LAMP1: variants seen among roughly 807,000 people sequenced by gnomAD.
The protein encoded by LAMP1 is lysosome associated membrane protein 1, also known as lysosome-associated membrane glycoprotein 1.
A neutral mutation model predicts 37.5 loss-of-function variants in LAMP1; 7 were observed. The observed-to-expected ratio is 0.19, with a 90% CI of 0.11 to 0.35. The LOEUF is 0.35. LAMP1 is among the 10% of genes least tolerant of loss of function. LAMP1 has a pLI of 1.00. For missense variants in LAMP1, 537 were observed against 552.8 expected (o/e 0.97, Z 0.29); for synonymous variants, 236 against 229.1 (o/e 1.03, Z -0.27).
chr13:113,310,750 A>C lies in LAMP1; in HGVS notation c.445A>C (p.Ile149Leu), dbSNP rs751491315. The C allele has an allele frequency of 6.2e-7, 1 of 1,613,368 alleles. No homozygotes were observed. The highest frequency in any genetic ancestry group is 2.2e-5 in the East Asian group (1 of 44,862). ...ATCTATAACTGACATCAGGGCAGAT[A>C]TAGATAAAAAATACAGATGTGTTAG... ...VESITDIRAD[I>L]DKKYRCVSGT... The change falls in exon 4 of 9, where the codon ATA becomes CTA. Residue 149 changes from isoleucine to leucine, a missense_variant. By Grantham distance (5) the Ile-to-Leu change is conservative. Transcript: ENST00000332556.
chr13:113,320,193 G>A lies in LAMP1; in HGVS notation c.751-152G>A, dbSNP rs971114372. On this transcript the variant is annotated intron_variant, in intron 5 of 8. Coordinates refer to ENST00000332556, the MANE Select transcript of LAMP1 (RefSeq NM_005561.4). The surrounding 1 kb of genome is among the most constrained non-coding windows in gnomAD (Gnocchi z 4.4). ...TCAGGGAGAGTCATCTTGGGATCCC[G>A]AAATCTGTACTAGTGTGGTCTTTCA... 164 of 909,286 alleles carry A rather than the reference G, an allele frequency of 1.8e-4. No individual in the cohort carries two copies. The highest frequency in any genetic ancestry group is 6.4e-5 in the Admixed American group (3 of 47,154). 56.3% of individuals were successfully genotyped at this position (909,286 alleles called of 1,614,324 possible). A position where few individuals can be genotyped will look rare whatever the true frequency, so the allele number is the denominator to read the frequency against.
chr13:113,297,481 T>A lies in LAMP1; in HGVS notation c.47T>A (p.Leu16Gln). ...CGGCGACCCCTGCTGCTGCTACTGC[T>A]GTTGCTGCTGCTCGGTGAGGGGGTC... ...SARRPLLLLL[L>Q]LLLLGLMHCA... The change falls in exon 1 of 9, where the codon CTG (leucine) becomes CAG (glutamine). Residue 16 changes from leucine to glutamine, a missense_variant. Leu to Gln is a moderately radical substitution (Grantham distance 113). Coordinates refer to ENST00000332556, the MANE Select transcript of LAMP1 (RefSeq NM_005561.4). The surrounding 1 kb of genome is among the most constrained non-coding windows in gnomAD (Gnocchi z 4.4). The A allele has an allele frequency of 8.0e-7, 1 of 1,251,572 alleles. No individual in the cohort carries two copies. The highest frequency in any genetic ancestry group is 1.0e-6 in the Non-Finnish European group (1 of 999,350). 77.5% of individuals were successfully genotyped at this position (1,251,572 alleles called of 1,614,324 possible). A position where few individuals can be genotyped will look rare whatever the true frequency, so the allele number is the denominator to read the frequency against.
chr13:113,318,822 A>G (rs2042680893), intron 4 of LAMP1, among the ~76,000 whole-genome samples: 1 of 152,028 alleles, frequency 6.6e-6, no homozygotes, highest in Non-Finnish European at 1.5e-5. Context: ...GACCCAACAC[A>G]GCTGGCTAGC....
In LAMP1 at chr13:113,321,822, A is replaced by T; in HGVS notation, c.1114+95A>T. 3.2e-6 allele frequency: 4 copies of T among 1,244,268 alleles called. No individual in the cohort carries two copies. The highest frequency in any genetic ancestry group is 4.6e-6 in the Non-Finnish European group (4 of 878,146). 77.1% of individuals were successfully genotyped at this position (1,244,268 alleles called of 1,614,324 possible). A position where few individuals can be genotyped will look rare whatever the true frequency, so the allele number is the denominator to read the frequency against. ...AGTCGCTTCCGTGTGGGCTGGGGCG[A>T]CGCCCCTGTTCCTCTGCAAGGAGCT... On this transcript the variant is annotated intron_variant, in intron 8 of 8. Transcript: ENST00000332556. This position sits in a 1 kb window ranked among gnomAD's most constrained non-coding sequence, Gnocchi z 5.6.
In LAMP1 at chr13:113,297,852, G is replaced by C. The variant is rs994520473; in HGVS notation, c.61+357G>C. The stretch of plus-strand genomic sequence containing the variant: ...GTTAAGTTTCCTGGCAAGTTGAGGC[G>C]GTGAGATCTAGACGAGGCTGCGCCG... On this transcript the variant is annotated intron_variant, in intron 1 of 8. Coordinates refer to ENST00000332556, the MANE Select transcript of LAMP1 (RefSeq NM_005561.4). This position sits in a 1 kb window ranked among gnomAD's most constrained non-coding sequence, Gnocchi z 4.4. Among the ~76,000 whole-genome samples the C allele has an allele frequency of 1.3e-5, 2 of 152,166 alleles. No homozygotes were observed. Among genetic ancestry groups the C allele is most frequent in the East Asian group, 3.9e-4 (2 of 5,172 alleles).
chr13:113,306,863 G>C (rs750993693), intron 2 of LAMP1, among the ~76,000 whole-genome samples: 9 of 8,268 alleles, frequency 1.1e-3, no homozygotes, highest in African/African-American at 1.2e-3. Flanking sequence ...TTTTTGAGAC[G>C]GAGTCTCGCT....
intron 8 of LAMP1, chr13:113,322,044 G>A: frequency 1.7e-6 from 1 of 582,578 alleles, no homozygotes; most frequent in South Asian, 2.2e-5. Flanking sequence ...ACGCAGCACA[G>A]CTGTCCGGCC....
intron 2 of LAMP1, 124 bp downstream of exon 2, chr13:113,306,730 C>T: frequency 9.3e-7 from 1 of 1,080,278 alleles, no homozygotes; most frequent in South Asian, 1.6e-5. Context: ...CTGCATATCT[C>T]CTTCTGGTGT....
intron 4 of LAMP1, among the ~76,000 whole-genome samples, chr13:113,315,317 C>G (rs1407212662): frequency 7.1e-6 from 1 of 140,316 alleles, no homozygotes; most frequent in African/African-American, 2.6e-5. Context: ...GCCTGGGGCG[C>G]GGCGTCCTGG....
At chr13:113,301,644 AATAT>A (rs1178393830) in intron 1 of LAMP1, among the ~76,000 whole-genome samples, 17 of 3,854 alleles carry the variant, frequency 4.4e-3, no homozygotes, top group African/African-American at 0.012. Context: ...AAAAAAAAAA[AATAT>A]ATATATATAT....
intron 4 of LAMP1, among the ~76,000 whole-genome samples, chr13:113,315,324 C>T (rs1398244764): frequency 6.6e-6 from 1 of 151,384 alleles, no homozygotes; most frequent in African/African-American, 2.4e-5. Context: ...GCGCGGCGTC[C>T]TGGAGGCTGG....
intron 4 of LAMP1, among the ~76,000 whole-genome samples, chr13:113,317,010 A>G (rs1377739268): frequency 6.6e-6 from 1 of 152,170 alleles, no homozygotes; most frequent in African/African-American, 2.4e-5. Context: ...AGGCTGTGGG[A>G]GCTATGAGTC....
intron 1 of LAMP1, among the ~76,000 whole-genome samples, chr13:113,300,040 C>A (rs2042562456): frequency 6.6e-6 from 1 of 152,148 alleles, no homozygotes; most frequent in Non-Finnish European, 1.5e-5. Context: ...TGTTTGAATA[C>A]TTAGAAAGCT....
At chr13:113,316,518 GT>G (rs1460301509) in intron 4 of LAMP1, among the ~76,000 whole-genome samples, 1 of 151,262 alleles carries the variant, frequency 6.6e-6, no homozygotes, top group African/African-American at 2.4e-5. Flanking sequence ...CGCCTCCTGG[GT>G]TCACGCCATT....
In LAMP1 at chr13:113,320,244, A is replaced by C. The variant is rs1455279950; in HGVS notation, c.751-101A>C. The C allele has an allele frequency of 1.4e-6, 2 of 1,443,660 alleles. No individual in the cohort carries two copies. The highest frequency in any genetic ancestry group is 2.8e-5 in the African/African-American group (2 of 71,386). 89.4% of individuals were successfully genotyped at this position (1,443,660 alleles called of 1,614,324 possible). On this transcript the variant is annotated intron_variant, in intron 5 of 8. Transcript: ENST00000332556. This position sits in a 1 kb window ranked among gnomAD's most constrained non-coding sequence, Gnocchi z 4.4. The stretch of plus-strand genomic sequence containing the variant: ...GTGTTTTCCTTCTGGTTTTGGTTAA[A>C]ACAAATGTGGCCTTGAATTCACGGT...
Position 113,313,567 on chromosome 13 carries a change from G to T in LAMP1, c.562+2700G>T, listed in dbSNP as rs568782666. Among the ~76,000 whole-genome samples, 427 of 150,718 alleles carry T rather than the reference G, an allele frequency of 2.8e-3. 1 individual carries two copies. Among genetic ancestry groups the T allele is most frequent in the Non-Finnish European group, 2.6e-3 (173 of 67,502 alleles). On this transcript the variant is annotated intron_variant, in intron 4 of 8. Transcript: ENST00000332556. ...TGGCCTCCTAGAGGGAGTCAGTGTG[G>T]AGATGCCGGTGTGCCTGGGGCGTGG...
At position 113,320,781 on chromosome 13, in the gene LAMP1, C is replaced by T. The variant is rs1288953414; in HGVS notation, c.876+311C>T. ...CTGTGGTTCCGTGGTGGCATTTCTG[C>T]CTGGGAGGACTCCTGTGCAGTTAGC... On this transcript the variant is annotated intron_variant, in intron 6 of 8. Coordinates refer to ENST00000332556, the MANE Select transcript of LAMP1 (RefSeq NM_005561.4). This position sits in a 1 kb window ranked among gnomAD's most constrained non-coding sequence, Gnocchi z 4.4. 1.0e-5 allele frequency: 4 copies of T among 389,920 alleles called. No individual in the cohort carries two copies. The highest frequency in any genetic ancestry group is 8.0e-5 in the African/African-American group (4 of 50,130). 24.2% of individuals were successfully genotyped at this position (389,920 alleles called of 1,614,324 possible).
rs757027565 is a variant in LAMP1, at chr13:113,309,851, C to T, written c.392C>T (p.Ala131Val). 68 of 1,612,156 alleles carry T rather than the reference C, an allele frequency of 4.2e-5. No homozygotes were observed. The highest frequency in any genetic ancestry group is 1.5e-4 in the South Asian group (14 of 91,002). The change falls in exon 3 of 9, where the codon GCG (alanine) becomes GTG (valine). Residue 131 changes from alanine to valine, a missense_variant. Physicochemically the swap from Ala to Val is moderately conservative, Grantham distance 64. Transcript: ENST00000332556. ...TCAGACACACACCTTTTCCCCAATG[C>T]GAGCTCCAAAGGTAAGAACCAAAAT... is the stretch of plus-strand genomic sequence containing the variant. ...NLSDTHLFPN[A>V]SSKEIKTVES...
chr13:113,307,844 A>T (rs917464675), intron 2 of LAMP1, among the ~76,000 whole-genome samples: 2 of 148,038 alleles, frequency 1.4e-5, no homozygotes, highest in African/African-American at 2.5e-5. Flanking sequence ...CTGTGGTCCC[A>T]GCTACTTGGG....
Sources: allele counts gnomAD v4.1 joint callset (sites outside exome capture counted in the v4.1 genomes callset), GRCh38; gene constraint gnomAD v4.1.1; non-coding constraint Gnocchi (gnomAD v3.1); transcripts MANE v1.5; gene names NCBI Gene and HGNC (gene_info 2026-07-23, HGNC 2026-07-21).